KLHL3: variants seen among roughly 807,000 people sequenced by gnomAD.
The protein encoded by KLHL3 is kelch like family member 3.
Under a neutral mutation model 70.5 loss-of-function variants are expected in KLHL3, and 19 were observed. The observed-to-expected ratio is 0.27, with a 90% CI of 0.19 to 0.40. The LOEUF (loss-of-function observed/expected upper bound fraction) is 0.40, where lower values mean the gene tolerates loss of function less well. Among genes scored for constraint, KLHL3 ranks in the 10% least tolerant of loss-of-function variants. KLHL3 has a pLI of 1.00. For synonymous variants in KLHL3, 258 were observed against 290.3 expected (o/e 0.89, Z 1.13); for missense variants, 512 against 771.1 (o/e 0.66, Z 3.98).
chr5:137,721,985 G>A (rs573236802), intron 1 of KLHL3, among the ~76,000 whole-genome samples: 2 of 152,176 alleles, frequency 1.3e-5, no homozygotes, highest in East Asian at 1.9e-4. Context: ...TGGAGTTACC[G>A]GTTTGATCTA....
In KLHL3 at chr5:137,632,177, A is replaced by G. The variant is rs540476950; in HGVS notation, c.1450+1860T>C. 4.6e-5 allele frequency among the ~76,000 whole-genome samples: 7 copies of G among 152,342 alleles called. No individual in the cohort carries two copies. In the South Asian group the frequency reaches 8.3e-4, roughly 18 times the overall value. ...ACAATCCTAAAGTTTATACAGAACC[A>G]AAAAAGAGCCCGAATAGCCAAAGCC... On this transcript the variant is annotated intron_variant, in intron 12 of 14. Coordinates refer to ENST00000309755, the MANE Select transcript of KLHL3 (RefSeq NM_017415.3).
chr5:137,670,744 C>T (rs545597012), intron 6 of KLHL3, among the ~76,000 whole-genome samples: 65 of 151,732 alleles, frequency 4.3e-4, no homozygotes, highest in Non-Finnish European at 7.8e-4. Flanking sequence ...CTGAGGCAGG[C>T]GGATCATGAG....
intron 2 of KLHL3, among the ~76,000 whole-genome samples, chr5:137,712,991 C>A (rs927651926): frequency 6.6e-6 from 1 of 150,760 alleles, no homozygotes; most frequent in Non-Finnish European, 1.5e-5. Context: ...CTTCTTTTTT[C>A]CAAATAATAT....
Position 137,617,818 on chromosome 5 carries a change from T to A in KLHL3, c.*4280A>T, listed in dbSNP as rs1756268491. ...TCTTTCAACGAAAGCATTTTACACATAATATGCAAATTAAACAAGAAGTAC... is the reference window on the plus strand; with the variant it reads ...TCTTTCAACGAAAGCATTTTACACAAAATATGCAAATTAAACAAGAAGTAC... On this transcript the variant is annotated 3_prime_UTR_variant, in exon 15 of 15. Transcript: ENST00000309755. The A allele has an allele frequency of 6.6e-6, 1 of 152,080 alleles. No individual in the cohort carries two copies. The highest frequency in any genetic ancestry group is 2.1e-4 in the South Asian group (1 of 4,824). The allele number at this position is 152,080 out of a possible 1,614,324, so 9.4% of individuals were successfully genotyped here.
Position 137,638,990 on chromosome 5 carries a change from G to T in KLHL3, c.1182C>A (p.Asp394Glu). The change falls in exon 10 of 15, where the codon GAC becomes GAA. Residue 394 changes from aspartate to glutamate, a missense_variant. Physicochemically the swap from Asp to Glu is conservative, Grantham distance 45 (BLOSUM62 2). Transcript: ENST00000309755. ...CAAAGCCTCCCACTGCGTAGAGCAA[G>T]TCATTGAGCACCGCTGCGCCCAGTG... ...RSTLGAAVLN[D>E]LLYAVGGFDG... 1 of 1,614,240 alleles carries T rather than the reference G, an allele frequency of 6.2e-7. No homozygotes were observed. Among genetic ancestry groups the T allele is most frequent in the Non-Finnish European group, 8.5e-7 (1 of 1,180,036 alleles).
intron 1 of KLHL3, among the ~76,000 whole-genome samples, chr5:137,724,486 T>C (rs1753054613): frequency 6.6e-6 from 1 of 152,150 alleles, no homozygotes; most frequent in African/African-American, 2.4e-5. Flanking sequence ...TACCAAAAGG[T>C]CTCAAACACA....
chr5:137,704,156 C>T (rs13180301), intron 3 of KLHL3, among the ~76,000 whole-genome samples: 38,224 of 151,918 alleles, frequency 0.25, 5,469 homozygotes, highest in East Asian at 0.6. Context: ...GAGGCCGAGG[C>T]GGGTGGATCA....
At chr5:137,721,966 G>A (rs74701551) in intron 1 of KLHL3, among the ~76,000 whole-genome samples, 1 of 152,210 alleles carries the variant, frequency 6.6e-6, no homozygotes, top group Non-Finnish European at 1.5e-5. Flanking sequence ...CAGGAGTAGT[G>A]TGAGACCTTG....
intron 8 of KLHL3, chr5:137,647,582 TCGGTC>T: frequency 2.1e-6 from 1 of 472,284 alleles, no homozygotes; most frequent in Non-Finnish European, 4.4e-6. Context: ...GCCCAGCCAG[TCGGTC>T]CCTCGGGCCA....
At chr5:137,633,940 G>C in intron 12 of KLHL3, 97 bp downstream of exon 12, 1 of 1,483,296 alleles carries the variant, frequency 6.7e-7, no homozygotes, top group South Asian at 1.1e-5. Flanking sequence ...TAACAAACCT[G>C]CACATGTACC....
chr5:137,694,284 C>T (rs1486604867), intron 4 of KLHL3, among the ~76,000 whole-genome samples: 1 of 152,226 alleles, frequency 6.6e-6, no homozygotes, highest in Non-Finnish European at 1.5e-5. Flanking sequence ...CCTATATCCC[C>T]AGCAGGAAAA....
chr5:137,717,759 A>G (rs986203194), intron 2 of KLHL3, among the ~76,000 whole-genome samples: 1 of 152,204 alleles, frequency 6.6e-6, no homozygotes, highest in Non-Finnish European at 1.5e-5. Context: ...TCCTTTTACA[A>G]AAGAAAAATT....
At chr5:137,623,875 C>G (rs1247368480) in intron 14 of KLHL3, among the ~76,000 whole-genome samples, 1 of 152,154 alleles carries the variant, frequency 6.6e-6, no homozygotes, top group Non-Finnish European at 1.5e-5. Context: ...AGTGGCAGAG[C>G]TGGGATTCAA....
intron 8 of KLHL3, among the ~76,000 whole-genome samples, chr5:137,650,711 A>C (rs1475963843): frequency 6.6e-6 from 1 of 151,874 alleles, no homozygotes; most frequent in East Asian, 1.9e-4. Flanking sequence ...AATCCCAGCT[A>C]CTTGGGTGGC....
chr5:137,636,279 T>C (rs1750764616), intron 11 of KLHL3, among the ~76,000 whole-genome samples: 3 of 152,262 alleles, frequency 2.0e-5, no homozygotes, highest in African/African-American at 2.4e-5. Flanking sequence ...TCTAACTCGC[T>C]GGATGTTACA....
At chr5:137,642,797 T>C (rs1446862977) in intron 8 of KLHL3, among the ~76,000 whole-genome samples, 2 of 151,972 alleles carry the variant, frequency 1.3e-5, no homozygotes, top group Admixed American at 6.6e-5. Flanking sequence ...GCTTTTCCCA[T>C]CTTTTGACTC....
intron 5 of KLHL3, among the ~76,000 whole-genome samples, chr5:137,683,931 A>G (rs958593053): frequency 1.3e-5 from 2 of 152,246 alleles, no homozygotes; most frequent in African/African-American, 2.4e-5. Flanking sequence ...AAGAGCAAGC[A>G]ACGAAACCTA....
intron 5 of KLHL3, among the ~76,000 whole-genome samples, chr5:137,682,679 T>A (rs1189831383): frequency 6.6e-6 from 1 of 152,186 alleles, no homozygotes; most frequent in East Asian, 1.9e-4. Context: ...TCACCCTGCT[T>A]TATTACATGA....
intron 11 of KLHL3, among the ~76,000 whole-genome samples, chr5:137,634,456 C>T (rs1275008995): frequency 6.6e-6 from 1 of 152,222 alleles, no homozygotes; most frequent in African/African-American, 2.4e-5. Flanking sequence ...ACCACTGGGG[C>T]TCAACATAAT....
Sources: allele counts gnomAD v4.1 joint callset (sites outside exome capture counted in the v4.1 genomes callset), GRCh38; gene constraint gnomAD v4.1.1; transcripts MANE v1.5; gene names NCBI Gene and HGNC (gene_info 2026-07-23, HGNC 2026-07-21).